The following TENM2 variants were observed in gnomAD, a reference collection of about 807,000 sequenced individuals.
The protein encoded by TENM2 is teneurin transmembrane protein 2.
In TENM2, 52 loss-of-function variants were observed where a neutral mutation model predicts 245.2. That is an observed-to-expected ratio of 0.21 (90% CI 0.17 to 0.27). The LOEUF (loss-of-function observed/expected upper bound fraction) is 0.27, where lower values mean the gene tolerates loss of function less well. Ranked by LOEUF, TENM2 falls within the 10% of genes least tolerant of loss-of-function variation. TENM2 has a pLI of 1.00. For synonymous variants in TENM2, 1,363 were observed against 1,438.9 expected (o/e 0.95, Z 1.19); for missense variants, 3,046 against 3,666.8 (o/e 0.83, Z 4.37).
At chr5:167,611,162 T>C (rs1777455631) in intron 2 of TENM2, among the ~76,000 whole-genome samples, 1 of 152,222 alleles carries the variant, frequency 6.6e-6, no homozygotes, top group South Asian at 2.1e-4. Flanking sequence ...CTTTTTCCCA[T>C]TCTTATTCTC....
At chr5:167,422,633 G>C (rs1263492261) in intron 2 of TENM2, among the ~76,000 whole-genome samples, 1 of 152,136 alleles carries the variant, frequency 6.6e-6, no homozygotes, top group Non-Finnish European at 1.5e-5. Context: ...GGAGAATTGT[G>C]AGTTAATAAG....
At chr5:168,213,146 A>G (rs1762914068) in intron 20 of TENM2, among the ~76,000 whole-genome samples, 1 of 152,204 alleles carries the variant, frequency 6.6e-6, no homozygotes, top group South Asian at 2.1e-4. Flanking sequence ...GCATATATGG[A>G]TAGTCTCTAA....
At chr5:167,171,859 C>A in the TENM2 span, among the ~76,000 whole-genome samples, 2 of 152,102 alleles carry the variant, frequency 1.3e-5, no homozygotes, top group African/African-American at 2.4e-5. Flanking sequence ...TAGCTTCCGG[C>A]CACCCAGAGC....
At chr5:167,012,844 G>A in the TENM2 span, among the ~76,000 whole-genome samples, 2 of 149,624 alleles carry the variant, frequency 1.3e-5, no homozygotes, top group Non-Finnish European at 3.0e-5. Context: ...GAGGGTGTGT[G>A]TGTTTGTGTG....
chr5:167,365,076 C>G (rs1759963239), intron 1 of TENM2, among the ~76,000 whole-genome samples: 1 of 151,962 alleles, frequency 6.6e-6, no homozygotes, highest in African/African-American at 2.4e-5. Flanking sequence ...CAATAAGTTT[C>G]AAGATGGAAA....
intron 15 of TENM2, among the ~76,000 whole-genome samples, chr5:168,197,476 G>A (rs568871982): frequency 2.6e-5 from 4 of 152,094 alleles, no homozygotes; most frequent in African/African-American, 9.7e-5. Flanking sequence ...AGAGGCAGGC[G>A]GATCACGAAG....
intron 2 of TENM2, among the ~76,000 whole-genome samples, chr5:167,497,494 T>G (rs1768895722): frequency 6.6e-6 from 1 of 152,090 alleles, no homozygotes; most frequent in African/African-American, 2.4e-5. Context: ...TCACTTAATG[T>G]CAATGTGGAT....
chr5:167,155,803 C>T, the TENM2 span, among the ~76,000 whole-genome samples: 1 of 152,230 alleles, frequency 6.6e-6, no homozygotes, highest in East Asian at 1.9e-4. Flanking sequence ...CAGGAAGCAA[C>T]GTGAAACTGA....
intron 4 of TENM2, among the ~76,000 whole-genome samples, chr5:167,978,383 G>GATGA (rs1782593894): frequency 6.6e-6 from 1 of 152,084 alleles, no homozygotes; most frequent in South Asian, 2.1e-4. Context: ...TTCATCAATG[G>GATGA]ATGAATGAAT....
At chr5:167,611,261 G>T (rs1450507026) in intron 2 of TENM2, among the ~76,000 whole-genome samples, 2 of 151,934 alleles carry the variant, frequency 1.3e-5, no homozygotes, top group Non-Finnish European at 2.9e-5. Context: ...TTAATACCAG[G>T]TTTCCTTTCA....
intron 2 of TENM2, among the ~76,000 whole-genome samples, chr5:167,583,631 T>G (rs541196304): frequency 2.6e-5 from 4 of 152,304 alleles, no homozygotes; most frequent in Admixed American, 2.0e-4. Context: ...CCAGTAGATA[T>G]TCCATAAAAA....
chr5:167,805,371 AG>A (rs992446698), intron 2 of TENM2, among the ~76,000 whole-genome samples: 1 of 152,148 alleles, frequency 6.6e-6, no homozygotes, highest in Non-Finnish European at 1.5e-5. Context: ...TCCTGAGAAA[AG>A]GTTCAGACGC....
chr5:167,011,531 G>C, the TENM2 span, among the ~76,000 whole-genome samples: 1 of 152,188 alleles, frequency 6.6e-6, no homozygotes, highest in Non-Finnish European at 1.5e-5. Flanking sequence ...TGTTCTTTGC[G>C]TACTTGATGA....
At chr5:168,146,928 A>G (rs774643480) in intron 12 of TENM2, among the ~76,000 whole-genome samples, 6 of 151,670 alleles carry the variant, frequency 4.0e-5, no homozygotes, top group African/African-American at 7.3e-5. Context: ...GCATCAGGGG[A>G]CCCCCCCTTC....
intron 2 of TENM2, among the ~76,000 whole-genome samples, chr5:167,805,019 G>C (rs1171912039): frequency 6.6e-6 from 1 of 152,170 alleles, no homozygotes; most frequent in Admixed American, 6.6e-5. Context: ...CACCTTTGGT[G>C]ACTCTGCACC....
intron 2 of TENM2, among the ~76,000 whole-genome samples, chr5:167,402,844 C>T (rs898295113): frequency 2.6e-5 from 4 of 152,134 alleles, no homozygotes; most frequent in Admixed American, 6.6e-5. Flanking sequence ...ATGAGACATG[C>T]AGCCTTGTTG....
At chr5:168,154,486 A>T (rs1162032122) in intron 12 of TENM2, among the ~76,000 whole-genome samples, 1 of 152,066 alleles carries the variant, frequency 6.6e-6, no homozygotes, top group Non-Finnish European at 1.5e-5. Context: ...CAACCTCCCA[A>T]AGTGCTAGGA....
chr5:167,563,736 T>G (rs1173752546), intron 2 of TENM2, among the ~76,000 whole-genome samples: 1 of 152,188 alleles, frequency 6.6e-6, no homozygotes, highest in Non-Finnish European at 1.5e-5. Flanking sequence ...TATACAGTGT[T>G]TTTACTGTAC....
chr5:167,063,718 A>T, the TENM2 span, among the ~76,000 whole-genome samples: 1 of 152,206 alleles, frequency 6.6e-6, no homozygotes, highest in Non-Finnish European at 1.5e-5. Context: ...TCAGAAGCCA[A>T]ATGTGTAATT....
Sources: allele counts gnomAD v4.1 joint callset (sites outside exome capture counted in the v4.1 genomes callset), GRCh38; gene constraint gnomAD v4.1.1; transcripts MANE v1.5; gene names NCBI Gene and HGNC (gene_info 2026-07-23, HGNC 2026-07-21).